Variants in NFE2L2 observed in about 807,000 individuals in gnomAD.
NFE2L2 encodes the protein NFE2 like bZIP transcription factor 2.
A neutral mutation model predicts 49.6 loss-of-function variants in NFE2L2; 20 were observed. That is an observed-to-expected ratio of 0.40 (90% CI 0.28 to 0.59). The LOEUF (loss-of-function observed/expected upper bound fraction) is 0.59, where lower values mean the gene tolerates loss of function less well. NFE2L2 is among the 20% of genes least tolerant of loss of function. The probability of loss-of-function intolerance (pLI) is 0.40; values close to 1 mark genes in which losing one functional copy is unlikely to be tolerated. For missense variants in NFE2L2, 578 were observed against 714.2 expected (o/e 0.81, Z 2.17); for synonymous variants, 244 against 256.5 (o/e 0.95, Z 0.47).
chr2:177,251,145 C>T (rs540687237), intron 1 of NFE2L2, among the ~76,000 whole-genome samples: 4 of 152,306 alleles, frequency 2.6e-5, no homozygotes, highest in Admixed American at 6.5e-5. Context: ...AAATGTAAAA[C>T]GTTCGGCTGT....
At position 177,231,936 on chromosome 2, in the gene NFE2L2, C is replaced by A. The variant is rs372577933; in HGVS notation, c.667G>T (p.Val223Phe). 9.7e-5 allele frequency: 157 copies of A among 1,613,950 alleles called. No homozygotes were observed. The highest frequency in any genetic ancestry group is 1.2e-4 in the Non-Finnish European group (146 of 1,179,962). Residue 223 changes from valine to phenylalanine, a missense_variant, in exon 5 of 5, where the codon GTT (valine) becomes TTT (phenylalanine). By Grantham distance (50) the Val-to-Phe change is conservative. Transcript: ENST00000397062. ...GATGAGTAAAAATGATAATTGTCAACTTCTGTCAGTTTGGCTTCTGGACTT... is the reference window on the plus strand; with the variant it reads ...GATGAGTAAAAATGATAATTGTCAAATTCTGTCAGTTTGGCTTCTGGACTT... ...VPSPEAKLTE[V>F]DNYHFYSSIP...
intron 1 of NFE2L2, among the ~76,000 whole-genome samples, chr2:177,241,295 C>G (rs908258939): frequency 6.6e-6 from 1 of 152,146 alleles, no homozygotes; most frequent in Non-Finnish European, 1.5e-5. Flanking sequence ...TCATCCAAAT[C>G]TTAGTTACCA....
At chr2:177,244,919 C>T (rs1189882520) in intron 1 of NFE2L2, among the ~76,000 whole-genome samples, 5 of 138,344 alleles carry the variant, frequency 3.6e-5, no homozygotes, top group Admixed American at 8.2e-5. Context: ...AGGAGAATGG[C>T]GTGAACCTGG....
chr2:177,233,836 G>A, intron 2 of NFE2L2, 169 bp downstream of exon 2: 1 of 783,122 alleles, frequency 1.3e-6, no homozygotes, highest in Non-Finnish European at 2.0e-6. Flanking sequence ...GTTGGGTACT[G>A]AACTCAGGTT....
intron 1 of NFE2L2, among the ~76,000 whole-genome samples, chr2:177,256,499 C>CA (rs35073132): frequency 0.062 from 4,590 of 74,280 alleles, 317 homozygotes; most frequent in African/African-American, 0.14. Context: ...TACATTCTTG[C>CA]AAAAAAAAAA....
intron 1 of NFE2L2, among the ~76,000 whole-genome samples, chr2:177,248,392 C>G (rs537435734): frequency 6.6e-6 from 1 of 152,254 alleles, no homozygotes; most frequent in East Asian, 1.9e-4. Flanking sequence ...GAAAATTGCC[C>G]AATGTCTGAC....
chr2:177,253,951 C>CAAG, intron 1 of NFE2L2, among the ~76,000 whole-genome samples: 1 of 152,258 alleles, frequency 6.6e-6, no homozygotes. Flanking sequence ...TAGTTACTTC[C>CAAG]CTCAGGCTGA....
At chr2:177,238,999 C>G (rs1247275386) in intron 1 of NFE2L2, among the ~76,000 whole-genome samples, 1 of 152,202 alleles carries the variant, frequency 6.6e-6, no homozygotes, top group East Asian at 1.9e-4. Context: ...AACATACACA[C>G]ACACACATTC....
chr2:177,231,913 T>G lies in NFE2L2; in HGVS notation c.690A>C (p.Ser230=), dbSNP rs1209598219. 6.2e-7 allele frequency: 1 copy of G among 1,614,168 alleles called. No individual in the cohort carries two copies. The highest frequency in any genetic ancestry group is 8.5e-7 in the Non-Finnish European group (1 of 1,180,000). The part of the protein sequence containing the change: ...LTEVDNYHFY[S]SIPSMEKEVG... ...CTTCTTTTTCCATTGAGGGTATAGA[T>G]GAGTAAAAATGATAATTGTCAACTT... Residue 230 remains serine (S), a synonymous_variant, in exon 5 of 5, where the codon TCA becomes TCC. Coordinates refer to ENST00000397062, the MANE Select transcript of NFE2L2 (RefSeq NM_006164.5).
In NFE2L2 at chr2:177,233,324, TG is replaced by T; in HGVS notation, c.327del (p.Lys110AsnfsTer21). 3.1e-6 allele frequency: 5 copies of T among 1,609,668 alleles called. No homozygotes were observed. Among genetic ancestry groups the T allele is most frequent in the Non-Finnish European group, 4.2e-6 (5 of 1,178,578 alleles). Reference protein sequence around the residue: ...SANYSQVAHIPKSDALYFDDC... With the variant: ...SANYSQVAHIXKSDALYFDDC... ...TCATCAAAGTACAAAGCATCTGATTTGGGAATGTGGGCAACCTGATAAAAGG... is the reference window on the plus strand; with the variant it reads ...TCATCAAAGTACAAAGCATCTGATTTGGAATGTGGGCAACCTGATAAAAGG... On this transcript the variant is annotated frameshift_variant, in exon 3 of 5. Transcript: ENST00000397062. LOFTEE classifies it high-confidence loss of function.
Position 177,238,457 on chromosome 2 carries a change from T to C in NFE2L2, c.46-4186A>G, listed in dbSNP as rs34605869. On this transcript the variant is annotated intron_variant, in intron 1 of 4. Transcript: ENST00000397062. ...GATGATAATATTTGAGGGGTTTGGATGGCTTTAGCTATACATTGTTTAATT... is the reference window on the plus strand; with the variant it reads ...GATGATAATATTTGAGGGGTTTGGACGGCTTTAGCTATACATTGTTTAATT... 3.6e-3 allele frequency among the ~76,000 whole-genome samples: 552 copies of C among 152,356 alleles called. 2 individuals are homozygous for C. The highest frequency in any genetic ancestry group is 5.8e-3 in the Non-Finnish European group (398 of 68,036).
intron 1 of NFE2L2, among the ~76,000 whole-genome samples, chr2:177,250,811 C>T (rs1413656422): frequency 2.0e-5 from 3 of 152,170 alleles, no homozygotes; most frequent in South Asian, 2.1e-4. Context: ...TACCTAGCTG[C>T]GTGGGTAACT....
At position 177,264,522 on chromosome 2, in the gene NFE2L2, G is replaced by T. The variant is rs529725179; in HGVS notation, c.45+10C>A. ...GCACCACCGCAGGGCCCAGAGGGCC[G>T]AGGCAGCACCTGCTGGGACGGGAGT... On this transcript the variant is annotated intron_variant, in intron 1 of 4. Coordinates refer to ENST00000397062, the MANE Select transcript of NFE2L2 (RefSeq NM_006164.5). The T allele has an allele frequency of 4.6e-6, 7 of 1,524,918 alleles. No individual in the cohort carries two copies. In the Admixed American group the frequency reaches 8.2e-5, roughly 18 times the overall value. 94.5% of individuals were successfully genotyped at this position (1,524,918 alleles called of 1,614,324 possible).
At position 177,231,250 on chromosome 2, in the gene NFE2L2, C is replaced by T; in HGVS notation, c.1353G>A (p.Glu451=). Residue 451 remains glutamate, a synonymous_variant, in exon 5 of 5, where the codon GAG becomes GAA. Coordinates refer to ENST00000397062, the MANE Select transcript of NFE2L2 (RefSeq NM_006164.5). ...FTKDKHSSRL[E]AHLTRDELRA... is the part of the protein sequence containing the mutation. ...TAAGTTCATCTCTTGTGAGATGAGC[C>T]TCCAAGCGGCTTGAATGTTTGTCTT... The T allele has an allele frequency of 1.9e-6, 3 of 1,614,208 alleles. No individual in the cohort carries two copies. Among genetic ancestry groups the T allele is most frequent in the Non-Finnish European group, 2.5e-6 (3 of 1,180,054 alleles).
intron 1 of NFE2L2, among the ~76,000 whole-genome samples, chr2:177,236,244 T>C (rs1342334013): frequency 6.6e-6 from 1 of 152,244 alleles, no homozygotes; most frequent in African/African-American, 2.4e-5. Context: ...CCACCCAGCC[T>C]GGAGGCAGCG....
chr2:177,263,691 G>A, intron 1 of NFE2L2: 1 of 985,510 alleles, frequency 1.0e-6, no homozygotes. Context: ...AGCCCCGGGT[G>A]CCGCCGACTC....
In NFE2L2 at chr2:177,232,475, G is replaced by A. The variant is rs1371809729; in HGVS notation, c.511C>T (p.Gln171Ter). 1 of 1,613,994 alleles carries A rather than the reference G, an allele frequency of 6.2e-7. No homozygotes were observed. Among genetic ancestry groups the A allele is most frequent in the Non-Finnish European group, 8.5e-7 (1 of 1,179,996 alleles). ...CCGTCTAAATCAACAGGGGCTACCT[G>A]AGCAACAGAAGTTTCAGGTGACTGA... ...QAQSPETSVA[Q>*]VAPVDLDGMQ... The change falls in exon 4 of 5, where the codon CAG (glutamine) becomes TAG (stop). Residue 171 changes from glutamine to a stop codon, truncating the protein, a stop_gained. Coordinates refer to ENST00000397062, the MANE Select transcript of NFE2L2 (RefSeq NM_006164.5). LOFTEE classifies it high-confidence loss of function.
At chr2:177,263,457 T>C (rs1690816535) in intron 1 of NFE2L2, 6 of 985,386 alleles carry the variant, frequency 6.1e-6, no homozygotes, top group Non-Finnish European at 7.2e-6. Flanking sequence ...ATTGCAATTC[T>C]GAAACGCTAA....
Position 177,231,422 on chromosome 2 carries a change from T to C in NFE2L2, c.1181A>G (p.Lys394Arg). 1 of 1,614,250 alleles carries C rather than the reference T, an allele frequency of 6.2e-7. No individual in the cohort carries two copies. The highest frequency in any genetic ancestry group is 8.5e-7 in the Non-Finnish European group (1 of 1,180,042). ...ATCCCCAGAAGAATGTACTGGTGTT[T>C]TAGGACCATTCTGTTTGACACTTCC... ...APGSVKQNGP[K>R]TPVHSSGDMV... Residue 394 changes from lysine to arginine, a missense_variant, in exon 5 of 5, where the codon AAA becomes AGA. Lys to Arg is a conservative substitution (Grantham distance 26, BLOSUM62 2). Transcript: ENST00000397062.
Sources: allele counts gnomAD v4.1 joint callset (sites outside exome capture counted in the v4.1 genomes callset), GRCh38; gene constraint gnomAD v4.1.1; transcripts MANE v1.5; gene names NCBI Gene and HGNC (gene_info 2026-07-23, HGNC 2026-07-21).